The following CACNA2D1 variants were observed in gnomAD, a reference collection of about 807,000 sequenced individuals.
CACNA2D1 encodes the protein voltage-dependent calcium channel subunit alpha-2/delta-1.
A neutral mutation model predicts 171.5 loss-of-function variants in CACNA2D1; 53 were observed. The ratio of observed to expected loss-of-function variants is 0.31; its 90% CI spans 0.25 to 0.39. CACNA2D1 has a LOEUF of 0.39. Ranked by LOEUF, CACNA2D1 falls within the 10% of genes least tolerant of loss-of-function variation. The pLI is 1.00. For synonymous variants in CACNA2D1, 442 were observed against 443.1 expected (o/e 1.00, Z 0.03); for missense variants, 903 against 1,299.8 (o/e 0.69, Z 4.69).
At chr7:82,003,010 G>C (rs893705606) in intron 18 of CACNA2D1, among the ~76,000 whole-genome samples, 6 of 151,912 alleles carry the variant, frequency 3.9e-5, no homozygotes, top group Non-Finnish European at 8.8e-5. Flanking sequence ...TTAAGATTTT[G>C]TTAGTATACT....
At chr7:82,331,946 T>G (rs1817347735) in intron 3 of CACNA2D1, among the ~76,000 whole-genome samples, 1 of 152,004 alleles carries the variant, frequency 6.6e-6, no homozygotes, top group Admixed American at 6.5e-5. Flanking sequence ...AACATTTACT[T>G]AAATAAAAAA....
intron 3 of CACNA2D1, among the ~76,000 whole-genome samples, chr7:82,288,898 T>A (rs1294139200): frequency 6.6e-6 from 1 of 152,076 alleles, no homozygotes; most frequent in Non-Finnish European, 1.5e-5. Flanking sequence ...GTTATGACAG[T>A]CATAGATCTC....
chr7:82,412,752 T>C (rs995777425), intron 1 of CACNA2D1, among the ~76,000 whole-genome samples: 2 of 151,854 alleles, frequency 1.3e-5, no homozygotes, highest in African/African-American at 4.8e-5. Context: ...CATCAATTCT[T>C]GGTCTAAGTG....
intron 1 of CACNA2D1, among the ~76,000 whole-genome samples, chr7:82,367,802 C>G (rs977396734): frequency 6.6e-6 from 1 of 152,054 alleles, no homozygotes; most frequent in Non-Finnish European, 1.5e-5. Flanking sequence ...CCAATAATTT[C>G]TCTTTTTTTC....
At chr7:82,025,630 T>C (rs571850008) in intron 12 of CACNA2D1, among the ~76,000 whole-genome samples, 4 of 151,824 alleles carry the variant, frequency 2.6e-5, no homozygotes, top group African/African-American at 9.6e-5. Flanking sequence ...TAATTTCTAG[T>C]TTCACTCCAC....
chr7:82,426,185 A>AAATT (rs1554553101), intron 1 of CACNA2D1, among the ~76,000 whole-genome samples: 5 of 142,178 alleles, frequency 3.5e-5, no homozygotes, highest in South Asian at 4.4e-4. Context: ...ATAAATACAT[A>AAATT]AATTCTATTT....
intron 1 of CACNA2D1, among the ~76,000 whole-genome samples, chr7:82,416,270 A>G (rs1828158048): frequency 6.6e-6 from 1 of 152,076 alleles, no homozygotes; most frequent in Admixed American, 6.6e-5. Flanking sequence ...TTAAAATGTA[A>G]TCATTGTAAT....
chr7:82,168,301 G>T (rs1316275425), intron 4 of CACNA2D1, among the ~76,000 whole-genome samples: 1 of 152,028 alleles, frequency 6.6e-6, no homozygotes, highest in Non-Finnish European at 1.5e-5. Context: ...GCACCACCAC[G>T]CACAGCTAAT....
chr7:82,314,896 A>G (rs1271373047), intron 3 of CACNA2D1, among the ~76,000 whole-genome samples: 1 of 151,878 alleles, frequency 6.6e-6, no homozygotes, highest in Non-Finnish European at 1.5e-5. Context: ...TTACCACCCC[A>G]TATCATATCA....
chr7:82,378,514 ATAT>A (rs1020871076), intron 1 of CACNA2D1, among the ~76,000 whole-genome samples: 1 of 152,182 alleles, frequency 6.6e-6, no homozygotes, highest in African/African-American at 2.4e-5. Flanking sequence ...CTTAAAAATT[ATAT>A]TTTGTTATTG....
intron 3 of CACNA2D1, among the ~76,000 whole-genome samples, chr7:82,276,312 T>C (rs2237520): frequency 0.72 from 110,132 of 152,108 alleles, 40,836 homozygotes; most frequent in African/African-American, 0.88. Context: ...TTTTCCCTAC[T>C]TCCTTCGCAC....
chr7:82,182,804 G>A (rs1797276654), intron 3 of CACNA2D1, among the ~76,000 whole-genome samples: 1 of 152,058 alleles, frequency 6.6e-6, no homozygotes. Flanking sequence ...TTGGGAGGAT[G>A]AGGAGGGCGG....
chr7:82,351,565 T>G (rs1819848706), intron 1 of CACNA2D1, among the ~76,000 whole-genome samples: 1 of 152,074 alleles, frequency 6.6e-6, no homozygotes, highest in Admixed American at 6.5e-5. Flanking sequence ...TGAACCACGC[T>G]GTATGAACAG....
intron 1 of CACNA2D1, among the ~76,000 whole-genome samples, chr7:82,411,892 A>G (rs1034604825): frequency 8.1e-6 from 1 of 123,660 alleles, no homozygotes; most frequent in Non-Finnish European, 1.6e-5. Context: ...CGAAAACTAA[A>G]TCTCACACAC....
chr7:82,193,055 C>T (rs980555248), intron 3 of CACNA2D1, among the ~76,000 whole-genome samples: 3 of 151,850 alleles, frequency 2.0e-5, no homozygotes, highest in Non-Finnish European at 2.9e-5. Context: ...GCTTCTTCTG[C>T]TAAAATACAT....
chr7:82,425,135 A>G (rs1321934593), intron 1 of CACNA2D1, among the ~76,000 whole-genome samples: 1 of 152,222 alleles, frequency 6.6e-6, no homozygotes, highest in Admixed American at 6.5e-5. Flanking sequence ...TTTTCAATGA[A>G]TCAAAAAAGG....
At chr7:82,231,580 A>T (rs1358391481) in intron 3 of CACNA2D1, among the ~76,000 whole-genome samples, 1 of 152,010 alleles carries the variant, frequency 6.6e-6, no homozygotes, top group Non-Finnish European at 1.5e-5. Context: ...AATTGCCATT[A>T]AAAAAAATCA....
chr7:82,410,225 A>G (rs1036709493), intron 1 of CACNA2D1, among the ~76,000 whole-genome samples: 1 of 152,196 alleles, frequency 6.6e-6, no homozygotes. Context: ...GCAGAATTTT[A>G]GTAGAAAAAA....
At chr7:82,204,492 G>A (rs550643164) in intron 3 of CACNA2D1, among the ~76,000 whole-genome samples, 2 of 152,280 alleles carry the variant, frequency 1.3e-5, no homozygotes, top group East Asian at 1.9e-4. Context: ...CTGGCTTAAT[G>A]TATGAAGCAA....
Sources: gnomAD v4.1 joint callset for allele counts (sites outside exome capture counted in the v4.1 genomes callset) on GRCh38, gnomAD v4.1.1 for gene constraint, MANE v1.5 for transcripts, NCBI Gene and HGNC (gene_info 2026-07-23, HGNC 2026-07-21) for gene names.